PKM: variants seen among roughly 807,000 people sequenced by gnomAD.
PKM encodes the protein pyruvate kinase M1/2.
PKM carries 18 observed loss-of-function variants against 49.8 expected under a neutral mutation model. That is an observed-to-expected ratio of 0.36 (90% CI 0.25 to 0.54). PKM has a LOEUF of 0.54. Ranked by LOEUF, PKM falls within the 20% of genes least tolerant of loss-of-function variation. PKM has a pLI of 0.89. For missense variants in PKM, 508 were observed against 713.8 expected (o/e 0.71, Z 3.28); for synonymous variants, 239 against 261.8 (o/e 0.91, Z 0.84).
At chr15:72,217,148 A>G (rs1355577321) in intron 3 of PKM, among the ~76,000 whole-genome samples, 1 of 152,208 alleles carries the variant, frequency 6.6e-6, no homozygotes, top group Admixed American at 6.5e-5. Context: ...CTTCCTTTGT[A>G]AAAGCTAAGG....
At chr15:72,205,299 A>G (rs1231115508) in intron 8 of PKM, among the ~76,000 whole-genome samples, 1 of 152,066 alleles carries the variant, frequency 6.6e-6, no homozygotes, top group Admixed American at 6.5e-5. Flanking sequence ...GCTAACTTGA[A>G]TTTTTAGTAG....
At chr15:72,226,903 G>A (rs371526325) in intron 1 of PKM, among the ~76,000 whole-genome samples, 175 of 152,346 alleles carry the variant, frequency 1.1e-3, no homozygotes, top group African/African-American at 3.6e-3. Flanking sequence ...AACCACTGCA[G>A]GGGCGGGGCT....
chr15:72,211,811 G>GAAA (rs575356129), intron 3 of PKM, among the ~76,000 whole-genome samples: 2 of 91,800 alleles, frequency 2.2e-5, no homozygotes, highest in Admixed American at 1.2e-4. Context: ...CCTATCTCAA[G>GAAA]AAAAAAAAAA....
intron 1 of PKM, among the ~76,000 whole-genome samples, chr15:72,226,231 A>C (rs2082664682): frequency 6.6e-6 from 1 of 152,198 alleles, no homozygotes; most frequent in South Asian, 2.1e-4. Flanking sequence ...CAGTTGTTTA[A>C]AATTGAAGAA....
intron 1 of PKM, among the ~76,000 whole-genome samples, chr15:72,222,949 G>C (rs2082563819): frequency 6.6e-6 from 1 of 150,902 alleles, no homozygotes; most frequent in South Asian, 2.1e-4. Context: ...ACAATTTTTT[G>C]GCCATTCTTC....
intron 3 of PKM, among the ~76,000 whole-genome samples, chr15:72,215,340 C>G (rs8192397): frequency 0.013 from 2,025 of 152,242 alleles, 21 homozygotes; most frequent in East Asian, 0.028. Flanking sequence ...GCCCCAGCCC[C>G]TAGTCAAAGG....
chr15:72,209,527 G>T, intron 5 of PKM, 146 bp downstream of exon 5: 2 of 725,506 alleles, frequency 2.8e-6, no homozygotes, highest in Non-Finnish European at 5.0e-6. Flanking sequence ...CTATCTTTGA[G>T]GATAAATGAG....
rs2140669941 is a variant in PKM at position 72,209,794 on chromosome 15, G to A, written c.444C>T (p.Tyr148=). The change falls in exon 5 of 11, where the codon TAC becomes TAT. Residue 148 remains tyrosine (Y), a synonymous_variant. Coordinates refer to ENST00000335181, the MANE Select transcript of PKM (RefSeq NM_002654.6). ...ATLKITLDNA[Y]MEKCDENILW... ...GGATGTTCTCGTCACACTTTTCCATGTAGGCGTTATCCAGCGTGATTTTGA... is the reference window on the plus strand; with the variant it reads ...GGATGTTCTCGTCACACTTTTCCATATAGGCGTTATCCAGCGTGATTTTGA... 3.1e-6 allele frequency: 5 copies of A among 1,614,048 alleles called. No homozygotes were observed. The South Asian group carries it at 4.4e-5, about 14-fold the overall frequency.
intron 9 of PKM, chr15:72,201,070 A>G (rs1175634081): frequency 1.1e-5 from 2 of 180,094 alleles, no homozygotes; most frequent in Non-Finnish European, 2.4e-5. Context: ...CTAGCACCTG[A>G]CTCTTGACAT....
At chr15:72,201,231 T>C (rs1219964259) in intron 9 of PKM, 1 of 152,720 alleles carries the variant, frequency 6.5e-6, no homozygotes, top group Admixed American at 6.5e-5. Flanking sequence ...AATCTGAGTA[T>C]CTAGATGAGG....
intron 1 of PKM, chr15:72,221,215 T>C (rs1263431605): frequency 1.3e-6 from 2 of 1,535,528 alleles, no homozygotes; most frequent in East Asian, 2.4e-5. Flanking sequence ...GCTCCCCTTT[T>C]GGCTCAGGGT....
intron 8 of PKM, chr15:72,203,256 A>C: frequency 1.5e-6 from 2 of 1,323,256 alleles, no homozygotes; most frequent in Non-Finnish European, 2.2e-6. Context: ...GACACAACAC[A>C]TGGGAAGACA....
intron 1 of PKM, among the ~76,000 whole-genome samples, chr15:72,227,270 A>T (rs2959906): frequency 0.99 from 150,426 of 152,348 alleles, 74,302 homozygotes; most frequent in Middle Eastern, 1. Context: ...ACCCTTGAAG[A>T]TGCAATAAAA....
chr15:72,200,845 T>A lies in PKM; in HGVS notation c.1308-190A>T. ...CCTATATCCCCCACAGCATGCTAGGTTACCATTTGCCCTCTACCCCCATTC... is the reference window on the plus strand; with the variant it reads ...CCTATATCCCCCACAGCATGCTAGGATACCATTTGCCCTCTACCCCCATTC... On this transcript the variant is annotated intron_variant, in intron 9 of 10. Transcript: ENST00000335181. This position sits in a 1 kb window ranked among gnomAD's most constrained non-coding sequence, Gnocchi z 4.6. 5.2e-6 allele frequency: 3 copies of A among 581,020 alleles called. No homozygotes were observed. In the East Asian group the frequency reaches 8.5e-5, roughly 17 times the overall value. 36.0% of individuals were successfully genotyped at this position (581,020 alleles called of 1,614,324 possible).
At chr15:72,218,419 C>A (rs2082429529) in intron 2 of PKM, among the ~76,000 whole-genome samples, 2 of 151,898 alleles carry the variant, frequency 1.3e-5, no homozygotes, top group Non-Finnish European at 2.9e-5. Context: ...TGCCACTGCG[C>A]CCGGACAATT....
chr15:72,210,084 A>T (rs1468616760), intron 4 of PKM: 5 of 622,258 alleles, frequency 8.0e-6, no homozygotes, highest in Non-Finnish European at 1.4e-5. Context: ...AAAGATACAA[A>T]GAGATGGTTC....
Position 72,202,290 on chromosome 15 carries a change from G to A in PKM, c.1307+164C>T, listed in dbSNP as rs1445523079. On this transcript the variant is annotated intron_variant, in intron 9 of 10. Coordinates refer to ENST00000335181, the MANE Select transcript of PKM (RefSeq NM_002654.6). This position sits in a 1 kb window ranked among gnomAD's most constrained non-coding sequence, Gnocchi z 4.5. ...CTACCTAGAGTCCTTTGGGCCCAGG[G>A]AAGGGGCTCTGCTCAATCCTTCCCT... The A allele has an allele frequency of 4.2e-6, 3 of 706,944 alleles. No homozygotes were observed. The highest frequency in any genetic ancestry group is 4.9e-6 in the Non-Finnish European group (2 of 404,546). The allele number at this position is 706,944 out of a possible 1,614,324, so 43.8% of individuals were successfully genotyped here.
chr15:72,200,667 T>G lies in PKM; in HGVS notation c.1308-12A>C. 1 of 1,609,452 alleles carries G rather than the reference T, an allele frequency of 6.2e-7. No homozygotes were observed. Among genetic ancestry groups the G allele is most frequent in the South Asian group, 1.1e-5 (1 of 90,948 alleles). On this transcript the variant is annotated splice_polypyrimidine_tract_variant and intron_variant, in intron 9 of 10. Transcript: ENST00000335181. The surrounding 1 kb of genome is among the most constrained non-coding windows in gnomAD (Gnocchi z 4.6). ...CCTGGTGAGCAGACCTGAGATGGGA[T>G]GGGGGACATACAGAAGAGACCATTA...
intron 1 of PKM, chr15:72,229,440 T>C (rs2082779859): frequency 1.7e-6 from 1 of 577,118 alleles, no homozygotes. Context: ...TCCCAATGTC[T>C]CTCTCCACGT....
Sources: gnomAD v4.1 joint callset for allele counts (sites outside exome capture counted in the v4.1 genomes callset) on GRCh38, gnomAD v4.1.1 for gene constraint, Gnocchi (gnomAD v3.1) non-coding constraint, MANE v1.5 for transcripts, NCBI Gene and HGNC (gene_info 2026-07-23, HGNC 2026-07-21) for gene names.